ARB2A: variants seen among roughly 807,000 people sequenced by gnomAD.
ARB2A encodes the protein ARB2 cotranscriptional regulator A, also known as cotranscriptional regulator ARB2A.
the ARB2A span, among the ~76,000 whole-genome samples, chr5:93,814,701 T>C: frequency 6.6e-6 from 1 of 152,192 alleles, no homozygotes; most frequent in Non-Finnish European, 1.5e-5. Flanking sequence ...CCAGAGACCA[T>C]GTGTTCTAAT....
At chr5:93,989,196 A>G in the ARB2A span, among the ~76,000 whole-genome samples, 2 of 152,172 alleles carry the variant, frequency 1.3e-5, no homozygotes, top group African/African-American at 4.8e-5. Context: ...TTAAAACAAA[A>G]ATAAGATATA....
the ARB2A span, among the ~76,000 whole-genome samples, chr5:93,929,586 AG>A: frequency 6.6e-6 from 1 of 152,200 alleles, no homozygotes; most frequent in African/African-American, 2.4e-5. Flanking sequence ...AAAAAAGTAA[AG>A]CAACATAAAA....
the ARB2A span, among the ~76,000 whole-genome samples, chr5:93,968,806 G>A: frequency 6.6e-6 from 1 of 151,964 alleles, no homozygotes; most frequent in African/African-American, 2.4e-5. Flanking sequence ...GCTGGTGGGG[G>A]AAGGGTGGAA....
chr5:94,008,259 A>T, the ARB2A span, among the ~76,000 whole-genome samples: 1 of 152,228 alleles, frequency 6.6e-6, no homozygotes, highest in African/African-American at 2.4e-5. Context: ...AGGAATAAAA[A>T]GGATTAACAT....
chr5:94,063,057 C>T, the ARB2A span, among the ~76,000 whole-genome samples: 4 of 152,288 alleles, frequency 2.6e-5, no homozygotes, highest in East Asian at 3.9e-4. Flanking sequence ...TAGCATAGGG[C>T]GGTGGTGCAG....
chr5:94,013,843 G>A, the ARB2A span, among the ~76,000 whole-genome samples: 2 of 152,052 alleles, frequency 1.3e-5, no homozygotes, highest in African/African-American at 4.8e-5. Context: ...CAGTTCCCAG[G>A]GTCACAGAGA....
chr5:93,879,140 GAGA>G, the ARB2A span, among the ~76,000 whole-genome samples: 5 of 152,176 alleles, frequency 3.3e-5, no homozygotes, highest in African/African-American at 9.6e-5. Context: ...GATAAGTAGA[GAGA>G]AGAAGAGCAC....
the ARB2A span, among the ~76,000 whole-genome samples, chr5:94,017,897 T>C: frequency 2.0e-5 from 3 of 152,050 alleles, no homozygotes; most frequent in Non-Finnish European, 4.4e-5. Context: ...CAGGGGGAGG[T>C]AACTGAATCA....
chr5:93,984,374 A>C, the ARB2A span, among the ~76,000 whole-genome samples: 3 of 152,204 alleles, frequency 2.0e-5, no homozygotes, highest in Non-Finnish European at 4.4e-5. Flanking sequence ...AAAATGCAGC[A>C]GATGACAAAT....
chr5:93,843,773 G>C, the ARB2A span, among the ~76,000 whole-genome samples: 1 of 151,986 alleles, frequency 6.6e-6, no homozygotes, highest in Admixed American at 6.6e-5. Context: ...AAATCTCCCA[G>C]AAGAAGATAT....
the ARB2A span, among the ~76,000 whole-genome samples, chr5:93,647,783 CA>C: frequency 6.6e-6 from 1 of 152,132 alleles, no homozygotes; most frequent in Non-Finnish European, 1.5e-5. Flanking sequence ...CTTGGTCTCC[CA>C]AAGTGCTGGG....
the ARB2A span, among the ~76,000 whole-genome samples, chr5:93,889,983 T>C: frequency 6.6e-6 from 1 of 151,958 alleles, no homozygotes; most frequent in Non-Finnish European, 1.5e-5. Context: ...AATAATAAGA[T>C]AATTGTCTTA....
chr5:93,618,945 A>G, the ARB2A span: 15 of 152,346 alleles, frequency 9.8e-5, no homozygotes, highest in African/African-American at 2.9e-4. Flanking sequence ...AGCTTCGCCA[A>G]TTTAGCATTG....
the ARB2A span, among the ~76,000 whole-genome samples, chr5:93,939,398 TCTTAAGTTGTGTC>T: frequency 6.6e-6 from 1 of 152,130 alleles, no homozygotes; most frequent in Non-Finnish European, 1.5e-5. Flanking sequence ...TAATTTCATA[TCTTAAGTTGTGTC>T]CTTTATTTCT....
chr5:93,782,708 A>G, the ARB2A span, among the ~76,000 whole-genome samples: 1 of 152,140 alleles, frequency 6.6e-6, no homozygotes, highest in Non-Finnish European at 1.5e-5. Flanking sequence ...CATGTTTGCA[A>G]GGTAGGTATT....
chr5:93,930,619 T>C, the ARB2A span, among the ~76,000 whole-genome samples: 1 of 152,190 alleles, frequency 6.6e-6, no homozygotes, highest in Non-Finnish European at 1.5e-5. Flanking sequence ...AGAGGTGATG[T>C]AAGAAGAGCA....
the ARB2A span, among the ~76,000 whole-genome samples, chr5:94,037,909 A>C: frequency 2.6e-5 from 4 of 152,104 alleles, no homozygotes; most frequent in East Asian, 7.7e-4. Context: ...ATTATTTTAG[A>C]AAACATATTA....
the ARB2A span, among the ~76,000 whole-genome samples, chr5:93,686,423 G>A: frequency 6.6e-6 from 1 of 151,978 alleles, no homozygotes; most frequent in Non-Finnish European, 1.5e-5. Flanking sequence ...TCTGGACATT[G>A]CAGCATTCTT....
chr5:93,784,141 CA>C, the ARB2A span: 1 of 311,968 alleles, frequency 3.2e-6, no homozygotes, highest in Non-Finnish European at 5.8e-6. Context: ...ATAGATTGAA[CA>C]CTATACACAT....
Sources: gnomAD v4.1 joint callset for allele counts (sites outside exome capture counted in the v4.1 genomes callset) on GRCh38, gnomAD v4.1.1 for gene constraint, MANE v1.5 for transcripts, NCBI Gene and HGNC (gene_info 2026-07-23, HGNC 2026-07-21) for gene names.